The following DBH variants were observed in gnomAD, a reference collection of about 807,000 sequenced individuals.
DBH encodes dopamine beta-hydroxylase (dopamine beta-monooxygenase).
In DBH, 49 loss-of-function variants were observed where a neutral mutation model predicts 64.0. The ratio of observed to expected loss-of-function variants is 0.77; its 90% CI spans 0.61 to 0.97. The LOEUF is 0.97. Among genes scored for constraint, DBH ranks in the 50% least tolerant of loss-of-function variants. The probability of loss-of-function intolerance (pLI) is 0.00; values close to 1 mark genes in which losing one functional copy is unlikely to be tolerated. For missense variants in DBH, 828 were observed against 826.6 expected (o/e 1.00, Z -0.02); for synonymous variants, 343 against 347.1 (o/e 0.99, Z 0.13).
At position 133,658,386 on chromosome 9, in the gene DBH, C is replaced by G. The variant is rs769872771; in HGVS notation, c.1793C>G (p.Thr598Ser). The change falls in exon 12 of 12, where the codon ACC (threonine) becomes AGC (serine). Residue 598 changes from threonine (T) to serine (S), a missense_variant. By Grantham distance (58) the Thr-to-Ser change is moderately conservative. Transcript: ENST00000393056. ...TLEEPTPQCP[T>S]SQGRSPAGPT... is the part of the protein sequence containing the mutation. ...GAAGAGCCCACCCCACAGTGCCCCACCAGCCAGGGCCGAAGCCCTGCTGGC... is the reference window on the plus strand; with the variant it reads ...GAAGAGCCCACCCCACAGTGCCCCAGCAGCCAGGGCCGAAGCCCTGCTGGC... 5 of 1,613,874 alleles carry G rather than the reference C, an allele frequency of 3.1e-6. No homozygotes were observed. Among genetic ancestry groups the G allele is most frequent in the Non-Finnish European group, 4.2e-6 (5 of 1,179,882 alleles).
intron 5 of DBH, among the ~76,000 whole-genome samples, chr9:133,647,227 T>G (rs1291633230): frequency 1.3e-5 from 2 of 152,198 alleles, no homozygotes; most frequent in African/African-American, 4.8e-5. Flanking sequence ...AAGTGGGGGC[T>G]GCTGGGAGGA....
At position 133,651,911 on chromosome 9, in the gene DBH, C is replaced by T. The variant is rs2131291569; in HGVS notation, c.1335+134C>T. ...TTTCCTGGGCCAGCCCCACCCGCCC[C>T]CCACCCATGTGGCCTGTGCTCCCCA... is the stretch of plus-strand genomic sequence containing the variant. On this transcript the variant is annotated intron_variant, in intron 7 of 11. Transcript: ENST00000393056. 1.9e-5 allele frequency: 18 copies of T among 939,854 alleles called. No homozygotes were observed. In the South Asian group the frequency reaches 2.8e-4, roughly 14 times the overall value. The allele number at this position is 939,854 out of a possible 1,614,324, so 58.2% of individuals were successfully genotyped here. A position where few individuals can be genotyped will look rare whatever the true frequency, so the allele number is the denominator to read the frequency against.
intron 9 of DBH, chr9:133,656,189 C>T (rs886854504): frequency 2.8e-6 from 1 of 353,910 alleles, no homozygotes; most frequent in Non-Finnish European, 5.5e-6. Flanking sequence ...GCTGTGGCCA[C>T]CACGGGGCAT....
chr9:133,643,777 CTTTT>C lies in DBH; in HGVS notation c.921+193_921+196del, dbSNP rs1008836112. ...CTGTGATGTCTGAAATGCTTCAAGC[CTTTT>C]TTTTATTTTCCACAGAAACGCAAGT... On this transcript the variant is annotated intron_variant, in intron 4 of 11. Transcript: ENST00000393056. This position sits in a 1 kb window ranked among gnomAD's most constrained non-coding sequence, Gnocchi z 5.3. Among the ~76,000 whole-genome samples, 1 of 152,058 alleles carries C rather than the reference CTTTT, an allele frequency of 6.6e-6. No homozygotes were observed. The highest frequency in any genetic ancestry group is 2.4e-5 in the African/African-American group (1 of 41,402).
At position 133,657,157 on chromosome 9, in the gene DBH, C is replaced by A; in HGVS notation, c.1650C>A (p.Asp550Glu). 1 of 1,614,126 alleles carries A rather than the reference C, an allele frequency of 6.2e-7. No individual in the cohort carries two copies. Among genetic ancestry groups the A allele is most frequent in the African/African-American group, 1.3e-5 (1 of 75,062 alleles). The change falls in exon 11 of 12, where the codon GAC becomes GAA. Residue 550 changes from aspartate (D) to glutamate (E), a missense_variant. Coordinates refer to ENST00000393056, the MANE Select transcript of DBH (RefSeq NM_000787.4). ...TSVPWNSFNRDVLKALYSFAP... is the reference protein window; with the variant it reads ...TSVPWNSFNREVLKALYSFAP... ...TTCCCTGGAACTCCTTCAACCGCGA[C>A]GTACTGAAGGCCCTGTACAGCTTCG...
At chr9:133,648,572 A>G (rs1160248456) in intron 6 of DBH, among the ~76,000 whole-genome samples, 4 of 152,248 alleles carry the variant, frequency 2.6e-5, no homozygotes, top group African/African-American at 9.6e-5. Flanking sequence ...AGTATTCCAC[A>G]GGATGGGGTT....
At chr9:133,647,288 C>T (rs1274384009) in intron 5 of DBH, among the ~76,000 whole-genome samples, 2 of 152,236 alleles carry the variant, frequency 1.3e-5, no homozygotes, top group Non-Finnish European at 2.9e-5. Context: ...TACACTCACA[C>T]TTGCCCAGCT....
Position 133,652,940 on chromosome 9 carries a change from G to C in DBH, c.1375G>C (p.Gly459Arg), listed in dbSNP as rs1289040239. The change falls in exon 9 of 12, where the codon GGA (glycine) becomes CGA (arginine). Residue 459 changes from glycine to arginine, a missense_variant and splice_region_variant. By Grantham distance (125) the Gly-to-Arg change is moderately radical (BLOSUM62 -2). Coordinates refer to ENST00000393056, the MANE Select transcript of DBH (RefSeq NM_000787.4). ...MLKKVVSVHPGDVLITSCTYN... is the reference protein window; with the variant it reads ...MLKKVVSVHPRDVLITSCTYN... The stretch of plus-strand genomic sequence containing the variant: ...GATGGTCACATTGGCTTTTCCTCAG[G>C]GAGATGTGCTCATCACCTCCTGCAC... 8.7e-6 allele frequency: 14 copies of C among 1,613,258 alleles called. No homozygotes were observed. Among genetic ancestry groups the C allele is most frequent in the African/African-American group, 4.0e-5 (3 of 74,884 alleles).
In DBH at chr9:133,657,059, G is replaced by A; in HGVS notation, c.1563-11G>A. On this transcript the variant is annotated splice_polypyrimidine_tract_variant and intron_variant, in intron 10 of 11. Coordinates refer to ENST00000393056, the MANE Select transcript of DBH (RefSeq NM_000787.4). ...CTGCTCCCCAGCCTGGCTGTTCCTT[G>A]TCCCCACCAGGTTCAACAACGAGGA... is the stretch of plus-strand genomic sequence containing the variant. 1 of 1,613,756 alleles carries A rather than the reference G, an allele frequency of 6.2e-7. No homozygotes were observed. The highest frequency in any genetic ancestry group is 8.5e-7 in the Non-Finnish European group (1 of 1,180,004).
At chr9:133,648,058 C>A in intron 6 of DBH, 46 bp downstream of exon 6, 1 of 1,578,378 alleles carries the variant, frequency 6.3e-7, no homozygotes. Flanking sequence ...CCTCCCGCGT[C>A]CCTCAGTGGA....
intron 11 of DBH, 120 bp downstream of exon 11, chr9:133,657,349 G>C: frequency 8.1e-7 from 1 of 1,241,106 alleles, no homozygotes. Flanking sequence ...AAGACAATGA[G>C]AGCAAGTGCC....
At chr9:133,651,325 G>A (rs1345275881) in intron 6 of DBH, among the ~76,000 whole-genome samples, 1 of 152,224 alleles carries the variant, frequency 6.6e-6, no homozygotes, top group African/African-American at 2.4e-5. Context: ...AAGGCCTGTT[G>A]ACTGAGTGAA....
Position 133,636,663 on chromosome 9 carries a change from G to T in DBH, c.292G>T (p.Ala98Ser), listed in dbSNP as rs535395726. Residue 98 changes from alanine to serine, a missense_variant, in exon 1 of 12, where the codon GCA (alanine) becomes TCA (serine). Ala to Ser is a moderately conservative substitution (Grantham distance 99, BLOSUM62 1). Transcript: ENST00000393056. Reference sequence around the variant, plus strand: ...GTCCGACCGTGGCGAGCTTGAGAACGCAGATCTCGTGGTGCTCTGGACCGA... The same window carrying T: ...GTCCGACCGTGGCGAGCTTGAGAACTCAGATCTCGTGGTGCTCTGGACCGA... Reference protein sequence around the residue: ...GMSDRGELENADLVVLWTDGD... With the variant: ...GMSDRGELENSDLVVLWTDGD... 1.2e-6 allele frequency: 2 copies of T among 1,610,156 alleles called. No individual in the cohort carries two copies. The highest frequency in any genetic ancestry group is 1.6e-4 in the Middle Eastern group (1 of 6,062).
At chr9:133,647,555 T>C (rs1832196306) in intron 5 of DBH, among the ~76,000 whole-genome samples, 1 of 152,232 alleles carries the variant, frequency 6.6e-6, no homozygotes, top group Non-Finnish European at 1.5e-5. Flanking sequence ...TGGCTCACGT[T>C]GATCACATCT....
rs1832379407 is a variant in DBH, at chr9:133,659,256, AC to A, written c.*810del. On this transcript the variant is annotated 3_prime_UTR_variant, in exon 12 of 12. Transcript: ENST00000393056. The stretch of plus-strand genomic sequence containing the variant: ...GGGCCATTTCACATTCCTGACCCTC[AC>A]TTTTCTCATCTGTAAAACCAGGCTG... The A allele has an allele frequency of 6.6e-6, 1 of 152,110 alleles. No individual in the cohort carries two copies. Among genetic ancestry groups the A allele is most frequent in the Admixed American group, 6.5e-5 (1 of 15,268 alleles). The allele number at this position is 152,110 out of a possible 1,614,324, so 9.4% of individuals were successfully genotyped here. A position where few individuals can be genotyped will look rare whatever the true frequency, so the allele number is the denominator to read the frequency against.
At chr9:133,647,496 C>T (rs772790440) in intron 5 of DBH, among the ~76,000 whole-genome samples, 19 of 152,200 alleles carry the variant, frequency 1.2e-4, no homozygotes, top group African/African-American at 3.1e-4. Context: ...TACGAGTTTC[C>T]GTCTATCAGC....
At position 133,658,541 on chromosome 9, in the gene DBH, C is replaced by T. The variant is rs147588748; in HGVS notation, c.*94C>T. 7.3e-7 allele frequency: 1 copy of T among 1,377,490 alleles called. No individual in the cohort carries two copies. Among genetic ancestry groups the T allele is most frequent in the South Asian group, 1.5e-5 (1 of 64,688 alleles). The allele number at this position is 1,377,490 out of a possible 1,614,324, so 85.3% of individuals were successfully genotyped here. A position where few individuals can be genotyped will look rare whatever the true frequency, so the allele number is the denominator to read the frequency against. The stretch of plus-strand genomic sequence containing the variant: ...TCTGCGACGATCCCCATGGAACAGC[C>T]CTGCACGCCCAGGATGAAGGGGCCA... On this transcript the variant is annotated 3_prime_UTR_variant, in exon 12 of 12. Coordinates refer to ENST00000393056, the MANE Select transcript of DBH (RefSeq NM_000787.4).
At chr9:133,657,854 T>C (rs1214231523) in intron 11 of DBH, among the ~76,000 whole-genome samples, 4 of 152,082 alleles carry the variant, frequency 2.6e-5, no homozygotes. Context: ...CCAGAAGCAT[T>C]TGGGAGCCAG....
chr9:133,657,496 A>G (rs1277217643), intron 11 of DBH, among the ~76,000 whole-genome samples: 1 of 143,188 alleles, frequency 7.0e-6, no homozygotes, highest in Non-Finnish European at 1.5e-5. Context: ...GGAGAGAGAG[A>G]GGAGAGAGAG....
Sources: allele counts gnomAD v4.1 joint callset (sites outside exome capture counted in the v4.1 genomes callset), GRCh38; gene constraint gnomAD v4.1.1; non-coding constraint Gnocchi (gnomAD v3.1); transcripts MANE v1.5; gene names NCBI Gene and HGNC (gene_info 2026-07-23, HGNC 2026-07-21).